The following EDA variants were observed in gnomAD, a reference collection of about 807,000 sequenced individuals.
The protein encoded by EDA is ectodysplasin A.
A neutral mutation model predicts 23.6 loss-of-function variants in EDA; 2 were observed. The observed-to-expected ratio is 0.08, with a 90% CI of 0.03 to 0.27. The LOEUF (loss-of-function observed/expected upper bound fraction) is 0.27, where lower values mean the gene tolerates loss of function less well. Among genes scored for constraint, EDA ranks in the 10% least tolerant of loss-of-function variants. The pLI, the probability that EDA is intolerant of heterozygous loss-of-function variation, is 1.00. For synonymous variants in EDA, 131 were observed against 132.0 expected (o/e 0.99, Z 0.05); for missense variants, 229 against 324.2 (o/e 0.71, Z 2.26).
At chrX:69,887,668 A>T (rs1357915448) in intron 1 of EDA, among the ~76,000 whole-genome samples, 1 of 112,131 alleles carries the variant, frequency 8.9e-6, no homozygotes. Context: ...AAGACAAAGC[A>T]TCAAGAGATA....
At chrX:69,860,144 G>A (rs1185090381) in intron 1 of EDA, among the ~76,000 whole-genome samples, 2 of 111,242 alleles carry the variant, frequency 1.8e-5, no homozygotes, top group African/African-American at 6.5e-5. Context: ...TGGATCTCTT[G>A]AAGACAGCAT....
chrX:69,809,198 A>G (rs1479493080), intron 1 of EDA, among the ~76,000 whole-genome samples: 1 of 111,880 alleles, frequency 8.9e-6, no homozygotes, highest in African/African-American at 3.3e-5. Context: ...TCACACTGCT[A>G]TAAGCTACCC....
intron 1 of EDA, among the ~76,000 whole-genome samples, chrX:69,952,359 C>T (rs1226315060): frequency 1.8e-5 from 2 of 111,723 alleles, no homozygotes; most frequent in African/African-American, 3.3e-5. Context: ...GAGCAAGTCA[C>T]GTCTTACATG....
chrX:69,948,844 A>G (rs2018872608), intron 1 of EDA, among the ~76,000 whole-genome samples: 1 of 112,131 alleles, frequency 8.9e-6, no homozygotes, highest in Non-Finnish European at 1.9e-5. Context: ...TAATCAAAGC[A>G]TGTCGAGTTA....
chrX:69,682,635 C>T (rs1365650670), intron 1 of EDA, among the ~76,000 whole-genome samples: 1 of 112,206 alleles, frequency 8.9e-6, no homozygotes, highest in African/African-American at 3.2e-5. Context: ...AACTCCCTGA[C>T]CCCTTGGGCT....
chrX:69,912,692 A>T (rs1188770794), intron 1 of EDA, among the ~76,000 whole-genome samples: 2 of 110,593 alleles, frequency 1.8e-5, no homozygotes, highest in African/African-American at 6.6e-5. Flanking sequence ...CTGCAAGCAG[A>T]TATGCTGTCA....
intron 1 of EDA, among the ~76,000 whole-genome samples, chrX:69,812,668 C>T (rs5980855): frequency 9.1e-6 from 1 of 110,114 alleles, no homozygotes; most frequent in Non-Finnish European, 1.9e-5. Context: ...TGCAGGTGGT[C>T]CTGGGAATAA....
intron 1 of EDA, among the ~76,000 whole-genome samples, chrX:69,672,818 C>T (rs1439519728): frequency 1.9e-5 from 2 of 107,907 alleles, no homozygotes; most frequent in African/African-American, 3.4e-5. Context: ...GGAGGCAGAG[C>T]TTGCAGTGAG....
At position 69,656,837 on chromosome X, in the gene EDA, T is replaced by C. The variant is rs781727357; in HGVS notation, c.396+40133T>C. ...TTGCAAAAGGCATGATTTCATTCTT[T>C]TTTATGGCTACATAGTATTCCGTGG... On this transcript the variant is annotated intron_variant, in intron 1 of 7. Transcript: ENST00000374552. 3.0e-4 allele frequency among the ~76,000 whole-genome samples: 34 copies of C among 112,157 alleles called. No individual in the cohort carries two copies. In the Admixed American group the frequency reaches 3.2e-3, roughly 11 times the overall value.
intron 1 of EDA, among the ~76,000 whole-genome samples, chrX:69,783,999 T>C (rs1177264183): frequency 9.2e-6 from 1 of 108,501 alleles, no homozygotes; most frequent in Non-Finnish European, 1.9e-5. Flanking sequence ...TGGTGTGAGA[T>C]GGTATGTCAT....
chrX:69,935,713 G>A (rs2018662834), intron 1 of EDA, among the ~76,000 whole-genome samples: 1 of 109,885 alleles, frequency 9.1e-6, no homozygotes, highest in African/African-American at 3.3e-5. Flanking sequence ...TTCAGGGTAG[G>A]GTTAATGATT....
At chrX:69,744,736 G>A (rs1321338349) in intron 1 of EDA, among the ~76,000 whole-genome samples, 2 of 112,189 alleles carry the variant, frequency 1.8e-5, no homozygotes, top group Middle Eastern at 4.7e-3. Flanking sequence ...AGTAGCAAGG[G>A]TTGGTTGCAG....
intron 1 of EDA, among the ~76,000 whole-genome samples, chrX:69,894,700 C>A (rs1244164952): frequency 9.0e-6 from 1 of 111,136 alleles, no homozygotes; most frequent in Non-Finnish European, 1.9e-5. Context: ...TGATTTTGTT[C>A]TCAGCTTGGA....
intron 1 of EDA, among the ~76,000 whole-genome samples, chrX:69,953,410 G>A (rs2018956289): frequency 8.9e-6 from 1 of 112,278 alleles, no homozygotes; most frequent in African/African-American, 3.2e-5. Context: ...AACCGTTGGT[G>A]AAGATGCAGA....
intron 1 of EDA, among the ~76,000 whole-genome samples, chrX:69,832,418 C>T (rs1387638374): frequency 8.9e-6 from 1 of 111,894 alleles, no homozygotes; most frequent in Non-Finnish European, 1.9e-5. Context: ...GTACCAGTAC[C>T]ATGCTGTTTT....
intron 1 of EDA, among the ~76,000 whole-genome samples, chrX:69,913,589 G>C (rs2018299785): frequency 8.9e-6 from 1 of 112,172 alleles, no homozygotes; most frequent in African/African-American, 3.2e-5. Context: ...CTCCATATCG[G>C]CAATAAGGCT....
chrX:70,038,502 G>A lies in EDA; in HGVS notation c.*2893G>A, dbSNP rs1171812835. The A allele has an allele frequency of 2.7e-5, 3 of 110,842 alleles. No homozygotes were observed. Among genetic ancestry groups the A allele is most frequent in the Non-Finnish European group, 1.9e-5 (1 of 52,956 alleles). 9.1% of individuals were successfully genotyped at this position (110,842 alleles called of 1,213,427 possible). A position where few individuals can be genotyped will look rare whatever the true frequency, so the allele number is the denominator to read the frequency against. On this transcript the variant is annotated 3_prime_UTR_variant, in exon 8 of 8. Transcript: ENST00000374552. Reference sequence around the variant, plus strand: ...CATTTGTGGGCAAGCAGATGACAGAGGTTTGAAGGAGAATGGCATGGCAGG... The same window carrying A: ...CATTTGTGGGCAAGCAGATGACAGAAGTTTGAAGGAGAATGGCATGGCAGG...
chrX:69,987,781 C>G (rs192083151), intron 2 of EDA, among the ~76,000 whole-genome samples: 3 of 111,438 alleles, frequency 2.7e-5, no homozygotes, highest in African/African-American at 6.5e-5. Flanking sequence ...TTCTTCCCCC[C>G]ACAAAAGCAG....
intron 1 of EDA, among the ~76,000 whole-genome samples, chrX:69,742,244 G>A (rs1435275795): frequency 9.0e-6 from 1 of 111,464 alleles, no homozygotes; most frequent in Non-Finnish European, 1.9e-5. Context: ...TAGAGTTTAT[G>A]AAACACAGGT....
Sources: allele counts gnomAD v4.1 joint callset (sites outside exome capture counted in the v4.1 genomes callset), GRCh38; gene constraint gnomAD v4.1.1; transcripts MANE v1.5; gene names NCBI Gene and HGNC (gene_info 2026-07-23, HGNC 2026-07-21).